The following HMGCLL1 variants were observed in gnomAD, a reference collection of about 807,000 sequenced individuals.
The protein encoded by HMGCLL1 is 3-hydroxymethyl-3-methylglutaryl-CoA lyase, cytoplasmic.
HMGCLL1 carries 36 observed loss-of-function variants against 39.1 expected under a neutral mutation model. That is an observed-to-expected ratio of 0.92 (90% CI 0.71 to 1.22). HMGCLL1 has a LOEUF of 1.22. HMGCLL1 is among the 50% of genes most tolerant of loss of function. The pLI is 0.00. For missense variants in HMGCLL1, 451 were observed against 416.5 expected (o/e 1.08, Z -0.72); for synonymous variants, 149 against 144.0 (o/e 1.03, Z -0.25).
upstream of HMGCLL1, among the ~76,000 whole-genome samples, chr6:55,580,728 G>T (rs185586365): frequency 6.6e-5 from 10 of 152,102 alleles, no homozygotes; most frequent in African/African-American, 2.4e-4. Flanking sequence ...TGTTTAACCT[G>T]GAGAACATTC....
chr6:55,442,846 T>C (rs1421849259), intron 7 of HMGCLL1, among the ~76,000 whole-genome samples: 1 of 152,182 alleles, frequency 6.6e-6, no homozygotes, highest in Non-Finnish European at 1.5e-5. Flanking sequence ...ATTTGTGGCA[T>C]TGTTCAGTAC....
chr6:55,556,804 G>A (rs1356705869), intron 1 of HMGCLL1, among the ~76,000 whole-genome samples: 3 of 152,138 alleles, frequency 2.0e-5, no homozygotes, highest in Non-Finnish European at 2.9e-5. Flanking sequence ...GAGACGCTGA[G>A]AGTACATTAA....
At chr6:55,609,619 C>T in the HMGCLL1 span, among the ~76,000 whole-genome samples, 3 of 150,482 alleles carry the variant, frequency 2.0e-5, no homozygotes, top group Admixed American at 6.6e-5. Flanking sequence ...GGAAGCTGGG[C>T]AACCCTGACA....
chr6:55,616,260 C>A, the HMGCLL1 span, among the ~76,000 whole-genome samples: 1 of 152,026 alleles, frequency 6.6e-6, no homozygotes, highest in Admixed American at 6.6e-5. Context: ...GCTTCATAAA[C>A]CCTTGCCTAC....
At chr6:55,554,796 C>T (rs1770562302) in intron 1 of HMGCLL1, among the ~76,000 whole-genome samples, 1 of 152,176 alleles carries the variant, frequency 6.6e-6, no homozygotes. Flanking sequence ...CATTCCTCTA[C>T]ATTCTGTTCT....
At chr6:55,567,592 T>C (rs897654643) in intron 1 of HMGCLL1, among the ~76,000 whole-genome samples, 1 of 152,164 alleles carries the variant, frequency 6.6e-6, no homozygotes, top group Non-Finnish European at 1.5e-5. Flanking sequence ...TTTATAGGCT[T>C]GTGTTTTTAA....
chr6:55,603,751 A>C, the HMGCLL1 span, among the ~76,000 whole-genome samples: 2 of 152,066 alleles, frequency 1.3e-5, no homozygotes, highest in Admixed American at 6.6e-5. Context: ...CTCTGAAAAA[A>C]CCAAAGTTAT....
chr6:55,497,923 G>C (rs565807795), intron 6 of HMGCLL1, among the ~76,000 whole-genome samples: 10 of 152,254 alleles, frequency 6.6e-5, no homozygotes, highest in African/African-American at 2.4e-4. Context: ...ACAATGAGGG[G>C]AAGGACCAGA....
chr6:55,582,851 C>T (rs539355276), upstream of HMGCLL1, among the ~76,000 whole-genome samples: 14 of 151,888 alleles, frequency 9.2e-5, no homozygotes, highest in African/African-American at 2.2e-4. Flanking sequence ...ATTGGCTGTA[C>T]GATACCTGTA....
chr6:55,673,450 G>C, the HMGCLL1 span, among the ~76,000 whole-genome samples: 5 of 152,016 alleles, frequency 3.3e-5, no homozygotes, highest in East Asian at 7.7e-4. Context: ...TTTACATAAA[G>C]ATAACTGATG....
At chr6:55,556,658 C>T (rs543602461) in intron 1 of HMGCLL1, among the ~76,000 whole-genome samples, 13 of 152,050 alleles carry the variant, frequency 8.5e-5, no homozygotes, top group Middle Eastern at 3.4e-3. Context: ...TATGCTCACT[C>T]GGGATTTTAT....
chr6:55,541,022 T>C (rs550963470), intron 3 of HMGCLL1, among the ~76,000 whole-genome samples: 1 of 152,062 alleles, frequency 6.6e-6, no homozygotes, highest in East Asian at 1.9e-4. Flanking sequence ...ATATCAGGAG[T>C]AGTCAGTGAA....
At chr6:55,510,200 A>C (rs1211407073) in intron 5 of HMGCLL1, among the ~76,000 whole-genome samples, 1 of 152,020 alleles carries the variant, frequency 6.6e-6, no homozygotes, top group Non-Finnish European at 1.5e-5. Flanking sequence ...TCAGAAGGTT[A>C]ATCACGAATC....
At chr6:55,453,152 TTTGTTG>T (rs528372706) in intron 7 of HMGCLL1, among the ~76,000 whole-genome samples, 19 of 151,596 alleles carry the variant, frequency 1.3e-4, no homozygotes, top group Non-Finnish European at 1.3e-4. Context: ...TACTAAGAAG[TTTGTTG>T]TTGTTGTTGT....
At chr6:55,632,167 T>C in the HMGCLL1 span, among the ~76,000 whole-genome samples, 6 of 152,058 alleles carry the variant, frequency 3.9e-5, no homozygotes, top group African/African-American at 1.2e-4. Context: ...AGGTTATAAT[T>C]TGTACTTAAA....
intron 7 of HMGCLL1, among the ~76,000 whole-genome samples, chr6:55,477,443 T>TATAATATATTAC (rs1157189859): frequency 7.7e-4 from 41 of 53,146 alleles, no homozygotes; most frequent in African/African-American, 2.6e-3. Context: ...ATATATTATA[T>TATAATATATTAC]ATATAATATA....
the HMGCLL1 span, among the ~76,000 whole-genome samples, chr6:55,616,312 A>T: frequency 6.6e-6 from 1 of 152,104 alleles, no homozygotes; most frequent in African/African-American, 2.4e-5. Context: ...TAAGGCCATC[A>T]TGTAAACAAG....
the HMGCLL1 span, among the ~76,000 whole-genome samples, chr6:55,676,315 G>T: frequency 6.6e-6 from 1 of 152,114 alleles, no homozygotes; most frequent in Non-Finnish European, 1.5e-5. Flanking sequence ...CTAGAGACAA[G>T]TATAGCAAAT....
At chr6:55,631,927 A>AG in the HMGCLL1 span, among the ~76,000 whole-genome samples, 1 of 152,146 alleles carries the variant, frequency 6.6e-6, no homozygotes, top group African/African-American at 2.4e-5. Context: ...ACTTTAAGGA[A>AG]GGGTATTCTA....
Sources: allele counts gnomAD v4.1 joint callset (sites outside exome capture counted in the v4.1 genomes callset), GRCh38; gene constraint gnomAD v4.1.1; transcripts MANE v1.5; gene names NCBI Gene and HGNC (gene_info 2026-07-23, HGNC 2026-07-21).